PMS1: variants seen among roughly 807,000 people sequenced by gnomAD.
The protein encoded by PMS1 is PMS1 homolog 1, mismatch repair system component.
Under a neutral mutation model 93.1 loss-of-function variants are expected in PMS1, and 79 were observed. That is an observed-to-expected ratio of 0.85 (90% CI 0.71 to 1.02). The LOEUF is 1.02. Ranked by LOEUF, PMS1 falls within the 50% of genes least tolerant of loss-of-function variation. PMS1 has a pLI of 0.00. For synonymous variants in PMS1, 335 were observed against 363.4 expected (o/e 0.92, Z 0.89); for missense variants, 1,064 against 1,085.3 (o/e 0.98, Z 0.28).
At chr2:189,808,647 CA>C (rs1409763010) in intron 4 of PMS1, among the ~76,000 whole-genome samples, 1 of 152,056 alleles carries the variant, frequency 6.6e-6, no homozygotes, top group Non-Finnish European at 1.5e-5. Flanking sequence ...ACATATTTTA[CA>C]ATGTTTAAAA....
chr2:189,842,840 C>T (rs996983695), intron 5 of PMS1, among the ~76,000 whole-genome samples: 4 of 151,948 alleles, frequency 2.6e-5, no homozygotes, highest in Non-Finnish European at 5.9e-5. Context: ...TCAGTGGCTA[C>T]TTGTGGCAAT....
At position 189,854,780 on chromosome 2, in the gene PMS1, T is replaced by A. The variant is rs770115265; in HGVS notation, c.1508T>A (p.Ile503Lys). 5.6e-6 allele frequency: 9 copies of A among 1,613,604 alleles called. No individual in the cohort carries two copies. Among genetic ancestry groups the A allele is most frequent in the Middle Eastern group, 1.6e-4 (1 of 6,082 alleles). ...ISADEWSRGN[I>K]LKNSVGENIE... ...GCAGATGAGTGGAGCAGGGGAAATA[T>A]ACTTAAAAATTCAGTGGGAGAGAAT... is the stretch of plus-strand genomic sequence containing the variant. The change falls in exon 9 of 13, where the codon ATA (isoleucine) becomes AAA (lysine). Residue 503 changes from isoleucine (I) to lysine (K), a missense_variant. Physicochemically the swap from Ile to Lys is moderately radical, Grantham distance 102. Coordinates refer to ENST00000441310, the MANE Select transcript of PMS1 (RefSeq NM_000534.5).
chr2:189,828,915 A>G (rs1037637879), intron 5 of PMS1, among the ~76,000 whole-genome samples: 2 of 151,442 alleles, frequency 1.3e-5, no homozygotes, highest in African/African-American at 4.8e-5. Context: ...GAGGACGTAG[A>G]AGGATCCTTA....
chr2:189,817,261 C>CT (rs1400787075), intron 4 of PMS1, among the ~76,000 whole-genome samples: 1 of 151,954 alleles, frequency 6.6e-6, no homozygotes, highest in Non-Finnish European at 1.5e-5. Flanking sequence ...ATTCTCTACT[C>CT]TGACTGTACA....
chr2:189,821,252 C>T (rs959999512), intron 5 of PMS1, among the ~76,000 whole-genome samples: 5 of 149,462 alleles, frequency 3.3e-5, no homozygotes, highest in African/African-American at 7.4e-5. Context: ...GTCAGGAGAT[C>T]GAGACTATCC....
chr2:189,792,006 C>T (rs563977879), intron 2 of PMS1, 65 bp downstream of exon 2: 303 of 1,374,470 alleles, frequency 2.2e-4, no homozygotes, highest in Admixed American at 3.2e-4. Flanking sequence ...CATGTTTTCT[C>T]CTTAAACTGT....
rs2106457723 is a variant in PMS1, at chr2:189,853,937, A to T, written c.823-2A>T. The T allele has an allele frequency of 6.5e-7, 1 of 1,536,218 alleles. No individual in the cohort carries two copies. On this transcript the variant is annotated splice_acceptor_variant, in intron 7 of 12. Transcript: ENST00000441310. LOFTEE classifies it high-confidence loss of function. ...TCTTTTATTTATTACATGTATTTCTAGTTAATCCGACATCATTACAATCTG... is the reference window on the plus strand; with the variant it reads ...TCTTTTATTTATTACATGTATTTCTTGTTAATCCGACATCATTACAATCTG...
intron 3 of PMS1, among the ~76,000 whole-genome samples, chr2:189,804,461 G>A (rs183856278): frequency 6.6e-6 from 1 of 152,218 alleles, no homozygotes; most frequent in East Asian, 1.9e-4. Context: ...TTTTTTGGGG[G>A]ATAGTATCAC....
chr2:189,791,629 G>A (rs1323383715), intron 1 of PMS1, 161 bp from the exon 2 acceptor site: 6 of 527,950 alleles, frequency 1.1e-5, no homozygotes, highest in African/African-American at 3.9e-5. Flanking sequence ...AAAAAAAAAA[G>A]AAGAAATAGA....
intron 9 of PMS1, among the ~76,000 whole-genome samples, chr2:189,863,072 C>G (rs186947433): frequency 6.6e-6 from 1 of 152,192 alleles, no homozygotes; most frequent in African/African-American, 2.4e-5. Flanking sequence ...GAGGACTGCC[C>G]TCTGGTTAAA....
intron 9 of PMS1, among the ~76,000 whole-genome samples, chr2:189,860,077 T>A (rs1035445268): frequency 6.6e-6 from 1 of 150,794 alleles, no homozygotes; most frequent in East Asian, 2.1e-4. Flanking sequence ...TAAATGGTTT[T>A]TTTAACTGGG....
chr2:189,855,140 G>C lies in PMS1; in HGVS notation c.1856+12G>C. On this transcript the variant is annotated intron_variant, in intron 9 of 12. Transcript: ENST00000441310. ...GAGGAAAAACTGAAGTAAGTTTCCAGAGCTTGCATGTGACTTGAATGTTCA... is the reference window on the plus strand; with the variant it reads ...GAGGAAAAACTGAAGTAAGTTTCCACAGCTTGCATGTGACTTGAATGTTCA... 1.9e-6 allele frequency: 3 copies of C among 1,607,350 alleles called. No individual in the cohort carries two copies. The highest frequency in any genetic ancestry group is 2.6e-6 in the Non-Finnish European group (3 of 1,174,748).
At chr2:189,801,256 T>G (rs1290558826) in intron 3 of PMS1, among the ~76,000 whole-genome samples, 3 of 152,210 alleles carry the variant, frequency 2.0e-5, no homozygotes, top group Non-Finnish European at 4.4e-5. Context: ...TGACACAAAT[T>G]TACTCGTAAT....
chr2:189,873,333 A>T lies in PMS1; in HGVS notation c.2474-163A>T, dbSNP rs115242847. On this transcript the variant is annotated intron_variant, in intron 11 of 12. Transcript: ENST00000441310. ...CACTTATGACTTAATGTGAGACCCT[A>T]TGGGAAATTACTATTTGTTCTCCAA... Among the ~76,000 whole-genome samples, 878 of 152,348 alleles carry T rather than the reference A, an allele frequency of 5.8e-3. 6 individuals are homozygous for T. The highest frequency in any genetic ancestry group is 0.01 in the Middle Eastern group (3 of 294).
At position 189,821,305 on chromosome 2, in the gene PMS1, A is replaced by G. The variant is rs146464722; in HGVS notation, c.582+3125A>G. Among the ~76,000 whole-genome samples the G allele has an allele frequency of 1.6e-3, 244 of 151,916 alleles. 2 individuals are homozygous for G. Among genetic ancestry groups the G allele is most frequent in the African/African-American group, 5.7e-3 (237 of 41,436 alleles). ...CCCTGTCTCTACTAAAAATACAAAA[A>G]TGAACCAGGCATGGTGGCATGCGCC... On this transcript the variant is annotated intron_variant, in intron 5 of 12. Coordinates refer to ENST00000441310, the MANE Select transcript of PMS1 (RefSeq NM_000534.5).
At chr2:189,804,625 T>G (rs933372809) in intron 3 of PMS1, among the ~76,000 whole-genome samples, 16 of 152,198 alleles carry the variant, frequency 1.1e-4, no homozygotes, top group Admixed American at 2.6e-4. Context: ...TCCACAGAGC[T>G]GTAGGCCCTA....
chr2:189,876,114 A>G lies in PMS1; in HGVS notation c.2635-1158A>G, dbSNP rs934085847. Among the ~76,000 whole-genome samples, 70 of 150,802 alleles carry G rather than the reference A, an allele frequency of 4.6e-4. 1 individual carries two copies. The highest frequency in any genetic ancestry group is 1.4e-3 in the African/African-American group (58 of 40,468). The stretch of plus-strand genomic sequence containing the variant: ...AAAATAATATTTTTACGTAAACTTT[A>G]AAAAAAAATTTCTTAATCATTAGAA... On this transcript the variant is annotated intron_variant, in intron 12 of 12. Coordinates refer to ENST00000441310, the MANE Select transcript of PMS1 (RefSeq NM_000534.5).
chr2:189,824,228 T>G (rs949474329), intron 5 of PMS1, among the ~76,000 whole-genome samples: 5 of 152,074 alleles, frequency 3.3e-5, no homozygotes, highest in Non-Finnish European at 7.4e-5. Flanking sequence ...AGTAACAGGT[T>G]TTTCAAAAAT....
intron 3 of PMS1, among the ~76,000 whole-genome samples, chr2:189,798,084 A>G (rs1242648648): frequency 6.6e-6 from 1 of 152,240 alleles, no homozygotes; most frequent in Non-Finnish European, 1.5e-5. Flanking sequence ...GCAACATAGT[A>G]CACTGGAGAG....
Sources: gnomAD v4.1 joint callset for allele counts (sites outside exome capture counted in the v4.1 genomes callset) on GRCh38, gnomAD v4.1.1 for gene constraint, MANE v1.5 for transcripts, NCBI Gene and HGNC (gene_info 2026-07-23, HGNC 2026-07-21) for gene names.